Variants in NRG1 observed in about 807,000 individuals in gnomAD.
NRG1 encodes pro-neuregulin-1, membrane-bound isoform.
NRG1 carries 18 observed loss-of-function variants against 63.8 expected under a neutral mutation model. The ratio of observed to expected loss-of-function variants is 0.28; its 90% CI spans 0.19 to 0.42. The LOEUF is 0.42. Among genes scored for constraint, NRG1 ranks in the 10% least tolerant of loss-of-function variants. The pLI is 1.00. For missense variants in NRG1, 762 were observed against 814.7 expected (o/e 0.94, Z 0.79); for synonymous variants, 302 against 301.3 (o/e 1.00, Z -0.02).
intron 1 of NRG1, among the ~76,000 whole-genome samples, chr8:32,270,379 C>A (rs899124757): frequency 6.6e-6 from 1 of 152,112 alleles, no homozygotes; most frequent in African/African-American, 2.4e-5. Context: ...ACCACAGATT[C>A]CTGTTTATGT....
intron 1 of NRG1, among the ~76,000 whole-genome samples, chr8:31,642,927 A>G (rs1803938289): frequency 6.6e-6 from 1 of 152,152 alleles, no homozygotes; most frequent in Non-Finnish European, 1.5e-5. Context: ...AATATCAGCT[A>G]TTTTATATGA....
At chr8:31,809,371 C>A (rs576441109) in intron 1 of NRG1, among the ~76,000 whole-genome samples, 114 of 139,568 alleles carry the variant, frequency 8.2e-4, no homozygotes, top group Non-Finnish European at 1.6e-3. Context: ...TATATATACA[C>A]GTATATATAC....
At chr8:32,141,929 C>T (rs1836327116) in intron 1 of NRG1, among the ~76,000 whole-genome samples, 1 of 152,058 alleles carries the variant, frequency 6.6e-6, no homozygotes, top group African/African-American at 2.4e-5. Context: ...CAGGAAAGTT[C>T]CCACTGCAGG....
intron 1 of NRG1, among the ~76,000 whole-genome samples, chr8:32,379,479 A>T (rs577182969): frequency 7.9e-5 from 12 of 152,302 alleles, no homozygotes; most frequent in Admixed American, 5.9e-4. Flanking sequence ...TGAAAGAACT[A>T]GTCTATCAAA....
In NRG1 at chr8:31,889,955, AAAAG is replaced by A. The variant is rs770757931; in HGVS notation, c.37+250532_37+250535del. 3.9e-5 allele frequency among the ~76,000 whole-genome samples: 6 copies of A among 152,354 alleles called. No homozygotes were observed. In the East Asian group the frequency reaches 5.8e-4, roughly 15 times the overall value. ...AATTAATATGTATATAAAGTGAAAA[AAAAG>A]AAAGAAAAAAGGGAAACAGCCATGA... is the stretch of plus-strand genomic sequence containing the variant. On this transcript the variant is annotated intron_variant, in intron 1 of 10. Transcript: ENST00000519301.
In NRG1 at chr8:31,944,125, A is replaced by G. The variant is rs139137643; in HGVS notation, c.37+304694A>G. 3.5e-3 allele frequency among the ~76,000 whole-genome samples: 526 copies of G among 152,098 alleles called. 3 individuals carry two copies. Among genetic ancestry groups the G allele is most frequent in the South Asian group, 0.027 (128 of 4,816 alleles). ...ATTTACTTTTTCTCCTTTTTCTTTT[A>G]TATGTGCTAATTCTGTCTCTTTAGC... is the stretch of plus-strand genomic sequence containing the variant. On this transcript the variant is annotated intron_variant, in intron 1 of 10. Transcript: ENST00000519301.
chr8:32,485,813 G>A (rs1239528411), intron 1 of NRG1, among the ~76,000 whole-genome samples: 2 of 152,012 alleles, frequency 1.3e-5, no homozygotes, highest in Non-Finnish European at 2.9e-5. Flanking sequence ...CTCATAATAC[G>A]TCTTATTTAG....
chr8:32,529,607 GTTA>G (rs1373116282), intron 1 of NRG1, among the ~76,000 whole-genome samples: 5 of 151,928 alleles, frequency 3.3e-5, no homozygotes, highest in African/African-American at 9.7e-5. Context: ...CTGTTTTAAA[GTTA>G]TTATTAATTA....
At chr8:31,877,472 T>C (rs1830016736) in intron 1 of NRG1, among the ~76,000 whole-genome samples, 1 of 151,478 alleles carries the variant, frequency 6.6e-6, no homozygotes, top group South Asian at 2.1e-4. Context: ...TGTCTCTCTC[T>C]CCATGTATGT....
intron 1 of NRG1, among the ~76,000 whole-genome samples, chr8:31,732,351 C>T (rs1450571378): frequency 6.6e-6 from 1 of 152,162 alleles, no homozygotes; most frequent in Non-Finnish European, 1.5e-5. Flanking sequence ...ATATATACAG[C>T]TTCAATGCCT....
chr8:31,947,958 A>AC (rs1202913424), intron 1 of NRG1, among the ~76,000 whole-genome samples: 2 of 150,520 alleles, frequency 1.3e-5, no homozygotes, highest in African/African-American at 2.4e-5. Flanking sequence ...AAAAAAAAAA[A>AC]AAAAAAAAAA....
intron 1 of NRG1, among the ~76,000 whole-genome samples, chr8:32,201,621 T>C (rs537503068): frequency 6.6e-6 from 1 of 152,344 alleles, no homozygotes; most frequent in African/African-American, 2.4e-5. Context: ...CATGTTGTGG[T>C]AAGAGTTAGA....
intron 1 of NRG1, among the ~76,000 whole-genome samples, chr8:32,518,405 C>T (rs1830037685): frequency 6.6e-6 from 1 of 152,108 alleles, no homozygotes; most frequent in Non-Finnish European, 1.5e-5. Flanking sequence ...CTCATAATTC[C>T]TTGCAATATC....
rs189125252 is a variant in NRG1, at chr8:32,215,533, T to A, written c.38-380295T>A. Among the ~76,000 whole-genome samples the A allele has an allele frequency of 7.2e-3, 1,101 of 152,308 alleles. 56 individuals are homozygous for A. The highest frequency in any genetic ancestry group is 0.065 in the Admixed American group (987 of 15,292). ...AATCCTCACACACTTATGAGGAAACTACTGAGAGTGTATGCATGAGGAAAT... is the reference window on the plus strand; with the variant it reads ...AATCCTCACACACTTATGAGGAAACAACTGAGAGTGTATGCATGAGGAAAT... On this transcript the variant is annotated intron_variant, in intron 1 of 10. Coordinates refer to the NRG1 transcript ENST00000519301.
chr8:31,873,289 G>A lies in NRG1; in HGVS notation c.37+233858G>A, dbSNP rs181931250. On this transcript the variant is annotated intron_variant, in intron 1 of 10. Transcript: ENST00000519301. ...TTAAAAACAAGGAGAGGCTGGGCAC[G>A]ATGGCTCATGCCTGTAATTGTAGCA... 2.5e-3 allele frequency among the ~76,000 whole-genome samples: 386 copies of A among 152,268 alleles called. 1 individual carries two copies. Among genetic ancestry groups the A allele is most frequent in the Non-Finnish European group, 4.2e-3 (283 of 68,030 alleles).
chr8:32,276,504 T>G (rs1197127517), intron 1 of NRG1, among the ~76,000 whole-genome samples: 3 of 152,142 alleles, frequency 2.0e-5, no homozygotes, highest in Non-Finnish European at 4.4e-5. Flanking sequence ...GTGGAAATTT[T>G]TTGAGGCTTT....
chr8:32,516,008 A>T (rs1177059035), intron 1 of NRG1, among the ~76,000 whole-genome samples: 8 of 152,144 alleles, frequency 5.3e-5, no homozygotes, highest in Admixed American at 5.2e-4. Context: ...ACAGAATGGT[A>T]TTTCCTGGGT....
intron 5 of NRG1, among the ~76,000 whole-genome samples, chr8:32,727,288 T>A (rs909546875): frequency 3.9e-5 from 6 of 152,224 alleles, no homozygotes; most frequent in African/African-American, 1.4e-4. Context: ...TACAGTGATA[T>A]TAGACTCTTT....
chr8:32,072,270 A>T (rs1825862728), intron 1 of NRG1, among the ~76,000 whole-genome samples: 1 of 151,642 alleles, frequency 6.6e-6, no homozygotes, highest in Non-Finnish European at 1.5e-5. Flanking sequence ...AAGAAACCCA[A>T]AACCTTGTGA....
Sources: gnomAD v4.1 joint callset for allele counts (sites outside exome capture counted in the v4.1 genomes callset) on GRCh38, gnomAD v4.1.1 for gene constraint, MANE v1.5 for transcripts, NCBI Gene and HGNC (gene_info 2026-07-23, HGNC 2026-07-21) for gene names.